CTNND2: variants seen among roughly 807,000 people sequenced by gnomAD.
CTNND2 encodes the protein catenin delta-2.
CTNND2 carries 22 observed loss-of-function variants against 144.4 expected under a neutral mutation model. That is an observed-to-expected ratio of 0.15 (90% confidence interval 0.11 to 0.22). The LOEUF (loss-of-function observed/expected upper bound fraction) is 0.22. Ranked by LOEUF, CTNND2 falls within the 10% of genes least tolerant of loss-of-function variation. The pLI is 1.00. For missense variants in CTNND2, 1,353 were observed against 1,618.8 expected (o/e 0.84, Z 2.82); for synonymous variants, 751 against 695.6 (o/e 1.08, Z -1.25).
At chr5:11,829,172 A>C (rs1793755586) in intron 1 of CTNND2, among the ~76,000 whole-genome samples, 1 of 152,236 alleles carries the variant, frequency 6.6e-6, no homozygotes, top group Non-Finnish European at 1.5e-5. Flanking sequence ...GAATCAGAGC[A>C]TAAAAGTTTG....
intron 2 of CTNND2, among the ~76,000 whole-genome samples, chr5:11,719,967 C>T (rs1786572701): frequency 6.6e-6 from 1 of 151,918 alleles, no homozygotes; most frequent in Non-Finnish European, 1.5e-5. Context: ...GCATGCTGTG[C>T]AAGGCAATGG....
intron 14 of CTNND2, among the ~76,000 whole-genome samples, chr5:11,106,057 G>A (rs911228255): frequency 6.6e-6 from 1 of 152,224 alleles, no homozygotes; most frequent in South Asian, 2.1e-4. Flanking sequence ...GCATCCAAAT[G>A]TCATGAGGAG....
intron 3 of CTNND2, among the ~76,000 whole-genome samples, chr5:11,430,937 C>T (rs554978548): frequency 2.8e-4 from 42 of 152,066 alleles, no homozygotes; most frequent in African/African-American, 7.2e-4. Flanking sequence ...GGCTAAAATA[C>T]GGGTTGTGTA....
At chr5:11,401,842 T>A (rs569814865) in intron 5 of CTNND2, among the ~76,000 whole-genome samples, 3 of 152,318 alleles carry the variant, frequency 2.0e-5, no homozygotes, top group Admixed American at 6.5e-5. Flanking sequence ...CACAACAAAT[T>A]GTAATCTTTC....
chr5:11,084,028 T>C (rs1749877654), intron 15 of CTNND2: 1 of 879,696 alleles, frequency 1.1e-6, no homozygotes, highest in African/African-American at 1.8e-5. Flanking sequence ...CACAGTTTCT[T>C]ATCACCATCA....
At chr5:11,430,746 G>C (rs1763223189) in intron 3 of CTNND2, among the ~76,000 whole-genome samples, 1 of 152,136 alleles carries the variant, frequency 6.6e-6, no homozygotes. Flanking sequence ...GCCTTACTTT[G>C]GAAGTTGGGA....
rs929916708 is a variant in CTNND2 at position 11,338,599 on chromosome 5, T to C, written c.1628+7773A>G. Among the ~76,000 whole-genome samples, 8 of 152,332 alleles carry C rather than the reference T, an allele frequency of 5.3e-5. No homozygotes were observed. The East Asian group carries it at 1.2e-3, about 22-fold the overall frequency. ...GGGTAGGACTATGCATCAGGCATGA[T>C]TGCCTGTCTCTCATTACTCTTGACC... On this transcript the variant is annotated intron_variant, in intron 9 of 21. Transcript: ENST00000304623.
intron 1 of CTNND2, among the ~76,000 whole-genome samples, chr5:11,784,689 C>T (rs1358471891): frequency 6.6e-6 from 1 of 152,168 alleles, no homozygotes; most frequent in Non-Finnish European, 1.5e-5. Flanking sequence ...ATGAAAGCCT[C>T]AAAGCAGCAG....
intron 2 of CTNND2, among the ~76,000 whole-genome samples, chr5:11,703,809 A>G (rs899319783): frequency 2.0e-5 from 3 of 152,186 alleles, no homozygotes; most frequent in Non-Finnish European, 4.4e-5. Context: ...TCGATTTTGG[A>G]ATAAAGATAC....
At chr5:11,362,917 G>A (rs1676376621) in intron 8 of CTNND2, among the ~76,000 whole-genome samples, 3 of 152,202 alleles carry the variant, frequency 2.0e-5, no homozygotes, top group Non-Finnish European at 2.9e-5. Context: ...CCCCTGCAGG[G>A]CCCAAGCCAC....
At chr5:11,422,822 T>C (rs1217997746) in intron 3 of CTNND2, among the ~76,000 whole-genome samples, 1 of 152,208 alleles carries the variant, frequency 6.6e-6, no homozygotes, top group Middle Eastern at 3.2e-3. Context: ...AGCTTCAAAG[T>C]TCATTGTACT....
intron 1 of CTNND2, among the ~76,000 whole-genome samples, chr5:11,788,672 C>CATT (rs967385915): frequency 8.6e-5 from 13 of 151,560 alleles, no homozygotes; most frequent in Non-Finnish European, 1.5e-4. Flanking sequence ...GTCTTATTAA[C>CATT]ATTATTATTA....
At chr5:11,324,880 C>A (rs1475040212) in intron 9 of CTNND2, among the ~76,000 whole-genome samples, 1 of 151,700 alleles carries the variant, frequency 6.6e-6, no homozygotes, top group Non-Finnish European at 1.5e-5. Context: ...TTACTAAGAA[C>A]TGAGTGCTGA....
At position 11,384,960 on chromosome 5, in the gene CTNND2, C is replaced by A. The variant is rs749179190; in HGVS notation, c.882G>T (p.Ala294=). 8.9e-6 allele frequency: 14 copies of A among 1,564,252 alleles called. No individual in the cohort carries two copies. The East Asian group carries it at 3.1e-4, about 34-fold the overall frequency. Residue 294 remains alanine, a synonymous_variant, in exon 7 of 22, where the codon GCG becomes GCT. Transcript: ENST00000304623. This position sits in a 1 kb window ranked among gnomAD's most constrained non-coding sequence, Gnocchi z 5.2. ...ACTGCTTGGGCGAGGAGCCGCGCGG[C>A]GCGGCGTAGGTGGCGCCCTCGGGGG... is the stretch of plus-strand genomic sequence containing the variant. The part of the protein sequence containing the change: ...GSAPEGATYA[A]PRGSSPKQSP...
At chr5:11,530,103 TG>T (rs201748194) in intron 3 of CTNND2, among the ~76,000 whole-genome samples, 2 of 150,226 alleles carry the variant, frequency 1.3e-5, no homozygotes, top group South Asian at 2.2e-4. Context: ...ATAGTTCCTT[TG>T]ATTTTAACTC....
At chr5:11,897,835 T>A (rs537724046) in intron 1 of CTNND2, among the ~76,000 whole-genome samples, 1 of 152,332 alleles carries the variant, frequency 6.6e-6, no homozygotes, top group East Asian at 1.9e-4. Context: ...CAACTAGAAT[T>A]CTTCATAAAC....
intron 2 of CTNND2, among the ~76,000 whole-genome samples, chr5:11,588,207 A>C (rs912631267): frequency 1.3e-5 from 2 of 152,038 alleles, no homozygotes; most frequent in African/African-American, 4.8e-5. Flanking sequence ...CAGTATATTA[A>C]ATTTTTGGCT....
chr5:11,174,928 A>G (rs940116337), intron 11 of CTNND2, among the ~76,000 whole-genome samples: 1 of 152,260 alleles, frequency 6.6e-6, no homozygotes. Context: ...GTAAAATTAC[A>G]AAACTGATAA....
chr5:11,745,984 T>TG (rs539540601), intron 1 of CTNND2, among the ~76,000 whole-genome samples: 417 of 152,330 alleles, frequency 2.7e-3, no homozygotes, highest in Non-Finnish European at 3.9e-3. Flanking sequence ...TTATTTAAAA[T>TG]GCTAGTGTCA....
Sources: allele counts gnomAD v4.1 joint callset (sites outside exome capture counted in the v4.1 genomes callset), GRCh38; gene constraint gnomAD v4.1.1; non-coding constraint Gnocchi (gnomAD v3.1); transcripts MANE v1.5; gene names NCBI Gene and HGNC (gene_info 2026-07-23, HGNC 2026-07-21).